The following EHD4 variants were observed in gnomAD, a reference collection of about 807,000 sequenced individuals.
EHD4 encodes EH domain containing 4, also known as EH domain-containing protein 4.
Under a neutral mutation model 51.0 loss-of-function variants are expected in EHD4, and 37 were observed. The ratio of observed to expected loss-of-function variants is 0.73; its 90% confidence interval spans 0.56 to 0.95. EHD4 has a LOEUF of 0.95. EHD4 is among the 40% of genes least tolerant of loss of function. The pLI is 0.00. For synonymous variants in EHD4, 297 were observed against 317.3 expected (o/e 0.94, Z 0.68); for missense variants, 632 against 733.1 (o/e 0.86, Z 1.59).
rs183492226 is a variant in EHD4, at chr15:41,901,153, T to G, written c.1118A>C (p.Lys373Thr). Reference protein sequence around the residue: ...QEQLENYDFTKFHSLKPKLIE... With the variant: ...QEQLENYDFTTFHSLKPKLIE... ...CAGCTTGGGCTTCAGCGAGTGGAATTTGGTGAAGTCATAGTTCTCAAGCTG... is the reference window on the plus strand; with the variant it reads ...CAGCTTGGGCTTCAGCGAGTGGAATGTGGTGAAGTCATAGTTCTCAAGCTG... Residue 373 changes from lysine (K) to threonine (T), a missense_variant, in exon 6 of 6, where the codon AAA becomes ACA. By Grantham distance (78) the Lys-to-Thr change is moderately conservative (BLOSUM62 -1). Transcript: ENST00000220325. The G allele has an allele frequency of 1.3e-6, 2 of 1,565,938 alleles. No homozygotes were observed. Among genetic ancestry groups the G allele is most frequent in the South Asian group, 2.4e-5 (2 of 82,086 alleles).
At chr15:41,955,508 C>T (rs924249992) in intron 1 of EHD4, among the ~76,000 whole-genome samples, 2 of 152,234 alleles carry the variant, frequency 1.3e-5, no homozygotes, top group East Asian at 1.9e-4. Flanking sequence ...CCACAATGTC[C>T]CCCTGCACGG....
Position 41,953,775 on chromosome 15 carries a change from A to G in EHD4, c.402T>C (p.Ala134=), listed in dbSNP as rs1051315476. ...TTGCTGGTCCTTACCGATTCAGGAAAGCGTTTCCAAAGCGACTGAGCTTTC... is the reference window on the plus strand; with the variant it reads ...TTGCTGGTCCTTACCGATTCAGGAAGGCGTTTCCAAAGCGACTGAGCTTTC... The part of the protein sequence containing the change: ...PFRKLSRFGN[A]FLNRFMCSQL... The change falls in exon 2 of 6, where the codon GCT becomes GCC. Residue 134 remains alanine, a synonymous_variant. Transcript: ENST00000220325. 3 of 1,606,464 alleles carry G rather than the reference A, an allele frequency of 1.9e-6. No homozygotes were observed. In the African/African-American group the frequency reaches 4.0e-5, roughly 22 times the overall value.
chr15:41,923,313 C>G (rs1305997931), intron 3 of EHD4, among the ~76,000 whole-genome samples: 1 of 152,144 alleles, frequency 6.6e-6, no homozygotes, highest in Non-Finnish European at 1.5e-5. Context: ...GTGTCAGAGT[C>G]TCTCCCTCCT....
chr15:41,908,081 G>C (rs2067524514), intron 5 of EHD4: 2 of 151,850 alleles, frequency 1.3e-5, no homozygotes, highest in African/African-American at 4.8e-5. Flanking sequence ...GGCCAGGCTG[G>C]TCTTGAACTC....
intron 5 of EHD4, among the ~76,000 whole-genome samples, chr15:41,904,360 T>TC (rs953287395): frequency 4.2e-4 from 63 of 151,556 alleles, no homozygotes; most frequent in African/African-American, 5.8e-4. Flanking sequence ...ATCCCTGTGG[T>TC]CCCCCCCAGG....
intron 3 of EHD4, among the ~76,000 whole-genome samples, chr15:41,937,015 A>T (rs1226693000): frequency 1.3e-5 from 2 of 152,230 alleles, no homozygotes; most frequent in Admixed American, 6.5e-5. Context: ...CCAGGGATGG[A>T]CACTTTTCTG....
intron 1 of EHD4, among the ~76,000 whole-genome samples, chr15:41,962,288 A>G (rs2067929145): frequency 6.6e-6 from 1 of 152,232 alleles, no homozygotes; most frequent in South Asian, 2.1e-4. Context: ...ATGACAGAAA[A>G]TGAGAATTGA....
chr15:41,914,509 A>G (rs1479011784), intron 4 of EHD4, among the ~76,000 whole-genome samples: 1 of 152,176 alleles, frequency 6.6e-6, no homozygotes, highest in African/African-American at 2.4e-5. Context: ...ACTGGCACCA[A>G]TGGCACGTGT....
At chr15:41,924,582 G>A (rs1415762037) in intron 3 of EHD4, among the ~76,000 whole-genome samples, 1 of 152,186 alleles carries the variant, frequency 6.6e-6, no homozygotes, top group African/African-American at 2.4e-5. Flanking sequence ...GGCATACAGG[G>A]GGGATGCAAG....
chr15:41,913,125 C>T (rs546492484), intron 4 of EHD4, among the ~76,000 whole-genome samples: 2 of 152,282 alleles, frequency 1.3e-5, no homozygotes, highest in South Asian at 2.1e-4. Flanking sequence ...GGCACACAAA[C>T]GTCGGGACAC....
At chr15:41,945,732 A>G (rs1464966946) in intron 2 of EHD4, among the ~76,000 whole-genome samples, 1 of 152,228 alleles carries the variant, frequency 6.6e-6, no homozygotes, top group Non-Finnish European at 1.5e-5. Context: ...AAAAATCCTA[A>G]TGGTGTTCTA....
chr15:41,933,239 C>T (rs1026240306), intron 3 of EHD4, among the ~76,000 whole-genome samples: 4 of 152,244 alleles, frequency 2.6e-5, no homozygotes, highest in Admixed American at 1.3e-4. Context: ...TTTGGATGGT[C>T]GAGATGCCTG....
intron 3 of EHD4, among the ~76,000 whole-genome samples, chr15:41,933,937 C>T (rs2140995262): frequency 6.6e-6 from 1 of 152,238 alleles, no homozygotes; most frequent in Admixed American, 6.5e-5. Flanking sequence ...GACAGGGTCA[C>T]TTGGTGACTC....
At chr15:41,923,413 C>T (rs1270473688) in intron 3 of EHD4, among the ~76,000 whole-genome samples, 1 of 152,240 alleles carries the variant, frequency 6.6e-6, no homozygotes, top group Non-Finnish European at 1.5e-5. Flanking sequence ...GCGGATCTAA[C>T]TCCCAACATG....
At position 41,904,979 on chromosome 15, in the gene EHD4, C is replaced by T. The variant is rs575492603; in HGVS notation, c.1090-3798G>A. Reference sequence around the variant, plus strand: ...GCTAAGAGTCACTCTGACCAGCTGGCTCCATGAGAGAACAGGGAGAATAAC... The same window carrying T: ...GCTAAGAGTCACTCTGACCAGCTGGTTCCATGAGAGAACAGGGAGAATAAC... On this transcript the variant is annotated intron_variant, in intron 5 of 5. Coordinates refer to ENST00000220325, the MANE Select transcript of EHD4 (RefSeq NM_139265.4). 9.2e-5 allele frequency among the ~76,000 whole-genome samples: 14 copies of T among 152,380 alleles called. No homozygotes were observed. In the South Asian group the frequency reaches 2.9e-3, roughly 32 times the overall value.
intron 3 of EHD4, chr15:41,941,588 TTTTTTG>T (rs1401475964): frequency 6.6e-6 from 1 of 150,498 alleles, no homozygotes; most frequent in Non-Finnish European, 1.5e-5. Flanking sequence ...TGGTGTTTTT[TTTTTTG>T]TTTTTTTTTC....
chr15:41,903,453 TACACACAC>T (rs146543286), intron 5 of EHD4, among the ~76,000 whole-genome samples: 3,133 of 144,432 alleles, frequency 0.022, 73 homozygotes, highest in African/African-American at 0.058. Flanking sequence ...TTAACATACA[TACACACAC>T]ACACACACAC....
intron 1 of EHD4, among the ~76,000 whole-genome samples, chr15:41,967,873 T>A (rs1245804693): frequency 6.6e-6 from 1 of 152,232 alleles, no homozygotes; most frequent in Non-Finnish European, 1.5e-5. Context: ...TGAGCAGAAA[T>A]GCAAGTTCTT....
At position 41,930,767 on chromosome 15, in the gene EHD4, G is replaced by A. The variant is rs151317724; in HGVS notation, c.512-11145C>T. Reference sequence around the variant, plus strand: ...CAGAGACAGTTATTTCTGGGCTTATGTCACAGATGGAAAGAAAGACCCAGT... The same window carrying A: ...CAGAGACAGTTATTTCTGGGCTTATATCACAGATGGAAAGAAAGACCCAGT... On this transcript the variant is annotated intron_variant, in intron 3 of 5. Coordinates refer to ENST00000220325, the MANE Select transcript of EHD4 (RefSeq NM_139265.4). Among the ~76,000 whole-genome samples, 48 of 152,296 alleles carry A rather than the reference G, an allele frequency of 3.2e-4. 1 individual carries two copies. The East Asian group carries it at 8.7e-3, about 28-fold the overall frequency.
Sources: gnomAD v4.1 joint callset for allele counts (sites outside exome capture counted in the v4.1 genomes callset) on GRCh38, gnomAD v4.1.1 for gene constraint, MANE v1.5 for transcripts, NCBI Gene and HGNC (gene_info 2026-07-23, HGNC 2026-07-21) for gene names.